ADARB2: variants seen among roughly 807,000 people sequenced by gnomAD.
ADARB2 encodes the protein inactive double-stranded RNA-specific editase B2.
In ADARB2, 25 loss-of-function variants were observed where a neutral mutation model predicts 62.2. The observed-to-expected ratio is 0.40, with a 90% CI of 0.29 to 0.56. The LOEUF (loss-of-function observed/expected upper bound fraction) is 0.56, where lower values mean the gene tolerates loss of function less well. Among genes scored for constraint, ADARB2 ranks in the 20% least tolerant of loss-of-function variants. ADARB2 has a pLI of 0.43. For synonymous variants in ADARB2, 572 were observed against 500.8 expected (o/e 1.14, Z -1.90); for missense variants, 1,071 against 1,077.4 (o/e 0.99, Z 0.08).
At chr10:1,436,457 C>A (rs1830836549) in intron 1 of ADARB2, among the ~76,000 whole-genome samples, 1 of 152,196 alleles carries the variant, frequency 6.6e-6, no homozygotes, top group South Asian at 2.1e-4. Flanking sequence ...CATCCAGCAG[C>A]TACTCTGATA....
chr10:1,430,720 A>T (rs1830769272), intron 1 of ADARB2, among the ~76,000 whole-genome samples: 1 of 150,928 alleles, frequency 6.6e-6, no homozygotes, highest in Non-Finnish European at 1.5e-5. Context: ...AACCTGGGTG[A>T]CAGAGTGAGA....
intron 1 of ADARB2, among the ~76,000 whole-genome samples, chr10:1,646,190 T>C (rs1197019982): frequency 6.6e-6 from 1 of 152,206 alleles, no homozygotes; most frequent in Non-Finnish European, 1.5e-5. Flanking sequence ...TCTATCCACA[T>C]GGCCCAAGTG....
At chr10:1,723,114 G>A (rs1053725706) in intron 1 of ADARB2, among the ~76,000 whole-genome samples, 29 of 152,200 alleles carry the variant, frequency 1.9e-4, no homozygotes, top group Non-Finnish European at 2.9e-5. Flanking sequence ...AAACGGGAGC[G>A]CATGCCCCTT....
intron 1 of ADARB2, among the ~76,000 whole-genome samples, chr10:1,437,045 A>G (rs1830841681): frequency 6.6e-6 from 1 of 152,248 alleles, no homozygotes; most frequent in Admixed American, 6.5e-5. Context: ...TAGTTGCATT[A>G]AGGAACTCTT....
Position 1,217,123 on chromosome 10 carries a change from G to C in ADARB2, c.1514-4C>G. 1 of 1,582,334 alleles carries C rather than the reference G, an allele frequency of 6.3e-7. No homozygotes were observed. Among genetic ancestry groups the C allele is most frequent in the Non-Finnish European group, 8.6e-7 (1 of 1,163,760 alleles). On this transcript the variant is annotated splice_polypyrimidine_tract_variant and splice_region_variant and intron_variant, in intron 6 of 9. Coordinates refer to ENST00000381312, the MANE Select transcript of ADARB2 (RefSeq NM_018702.4). ...ACGAGGTGTTTGCTGCTGTGCACTA[G>C]GAGATAAAAGGGCGGGGAGGGGTGA...
chr10:1,418,278 G>A (rs1453278231), intron 1 of ADARB2, among the ~76,000 whole-genome samples: 5 of 152,212 alleles, frequency 3.3e-5, no homozygotes, highest in Non-Finnish European at 5.9e-5. Context: ...CACCCCTGGA[G>A]TTCCCGGGAA....
Position 1,400,965 on chromosome 10 carries a change from T to TGA in ADARB2, c.101-21807_101-21806dup, listed in dbSNP as rs1832656480. 2.0e-5 allele frequency among the ~76,000 whole-genome samples: 3 copies of TGA among 152,254 alleles called. No homozygotes were observed. In the East Asian group the frequency reaches 5.8e-4, roughly 29 times the overall value. On this transcript the variant is annotated intron_variant, in intron 1 of 9. Coordinates refer to ENST00000381312, the MANE Select transcript of ADARB2 (RefSeq NM_018702.4). ...CCTCAAGGCAGGAGGGAAGAAGGCCTGAGAATCATCACTGTCTCCACCGGA... is the reference window on the plus strand; with the variant it reads ...CCTCAAGGCAGGAGGGAAGAAGGCCTGAGAGAATCATCACTGTCTCCACCGGA...
At chr10:1,379,636 G>C (rs1489891380) in intron 1 of ADARB2, among the ~76,000 whole-genome samples, 2 of 152,200 alleles carry the variant, frequency 1.3e-5, no homozygotes, top group African/African-American at 4.8e-5. Context: ...AAAAATAAAG[G>C]ACCTGTCACT....
chr10:1,292,751 G>C (rs1831478315), intron 3 of ADARB2: 1 of 152,184 alleles, frequency 6.6e-6, no homozygotes, highest in African/African-American at 2.4e-5. Context: ...CACTTGCCAG[G>C]ATGTCCTGGC....
intron 2 of ADARB2, among the ~76,000 whole-genome samples, chr10:1,369,197 A>T (rs1832343066): frequency 6.6e-6 from 1 of 152,130 alleles, no homozygotes; most frequent in Non-Finnish European, 1.5e-5. Flanking sequence ...CCATATAATC[A>T]ACAGGTTTCT....
intron 1 of ADARB2, among the ~76,000 whole-genome samples, chr10:1,554,996 A>C (rs909685384): frequency 3.9e-5 from 6 of 152,120 alleles, no homozygotes; most frequent in African/African-American, 9.7e-5. Context: ...CTGTTTCTGC[A>C]TTAATTTTCT....
chr10:1,541,668 C>T (rs71500137), intron 1 of ADARB2, among the ~76,000 whole-genome samples: 19 of 21,340 alleles, frequency 8.9e-4, no homozygotes, highest in Non-Finnish European at 8.0e-4. Context: ...ATCACAGCCG[C>T]CCAGACCCCA....
chr10:1,716,735 C>T (rs1044629489), intron 1 of ADARB2, among the ~76,000 whole-genome samples: 2 of 152,120 alleles, frequency 1.3e-5, no homozygotes, highest in African/African-American at 2.4e-5. Context: ...TTACTTTACT[C>T]CATTACACAG....
At chr10:1,486,599 C>T (rs1831545303) in intron 1 of ADARB2, among the ~76,000 whole-genome samples, 1 of 152,134 alleles carries the variant, frequency 6.6e-6, no homozygotes, top group Admixed American at 6.6e-5. Context: ...CTGTGTCTTC[C>T]TTGGACTGTG....
chr10:1,446,901 C>T (rs1045113126), intron 1 of ADARB2, among the ~76,000 whole-genome samples: 2 of 152,232 alleles, frequency 1.3e-5, no homozygotes, highest in East Asian at 1.9e-4. Flanking sequence ...CAGAGGGTTT[C>T]GACCTACGCA....
At chr10:1,234,436 GTTA>G (rs944706656) in intron 5 of ADARB2, among the ~76,000 whole-genome samples, 3 of 152,066 alleles carry the variant, frequency 2.0e-5, no homozygotes, top group South Asian at 4.1e-4. Flanking sequence ...ACCTGTCAGG[GTTA>G]TTATTATTCT....
At chr10:1,471,117 C>T (rs148983778) in intron 1 of ADARB2, among the ~76,000 whole-genome samples, 57 of 152,276 alleles carry the variant, frequency 3.7e-4, no homozygotes, top group African/African-American at 1.2e-3. Flanking sequence ...TGGCAACCTA[C>T]TGGAATGATC....
chr10:1,387,362 G>T (rs1156710621), intron 1 of ADARB2, among the ~76,000 whole-genome samples: 1 of 151,736 alleles, frequency 6.6e-6, no homozygotes, highest in Non-Finnish European at 1.5e-5. Context: ...TCTCAAGTTA[G>T]ATTAATCATG....
intron 1 of ADARB2, among the ~76,000 whole-genome samples, chr10:1,699,639 C>T (rs1834797698): frequency 1.9e-5 from 2 of 102,866 alleles, no homozygotes; most frequent in African/African-American, 4.0e-5. Flanking sequence ...CCCACTCCAC[C>T]GGGAGACCAG....
Sources: gnomAD v4.1 joint callset for allele counts (sites outside exome capture counted in the v4.1 genomes callset) on GRCh38, gnomAD v4.1.1 for gene constraint, MANE v1.5 for transcripts, NCBI Gene and HGNC (gene_info 2026-07-23, HGNC 2026-07-21) for gene names.